Variants in SEMA3A observed in about 807,000 individuals in gnomAD.
SEMA3A encodes semaphorin-3A.
SEMA3A carries 29 observed loss-of-function variants against 97.9 expected under a neutral mutation model. The ratio of observed to expected loss-of-function variants is 0.30; its 90% CI spans 0.22 to 0.40. The LOEUF is 0.40. Ranked by LOEUF, SEMA3A falls within the 10% of genes least tolerant of loss-of-function variation. The pLI, the probability that SEMA3A is intolerant of heterozygous loss-of-function variation, is 1.00. For synonymous variants in SEMA3A, 321 were observed against 323.7 expected (o/e 0.99, Z 0.09); for missense variants, 763 against 951.3 (o/e 0.80, Z 2.60).
chr7:84,197,730 C>CTTTTT (rs139403623), upstream of SEMA3A, among the ~76,000 whole-genome samples: 1 of 69,344 alleles, frequency 1.4e-5, no homozygotes, highest in African/African-American at 5.8e-5. Context: ...AAAGATCACT[C>CTTTTT]TTTTTTTTTT....
chr7:84,110,614 G>C (rs1196092638), intron 3 of SEMA3A, 25 bp from the exon 4 acceptor site: 2 of 1,612,770 alleles, frequency 1.2e-6, no homozygotes, highest in East Asian at 2.2e-5. Context: ...GAAAACCAAA[G>C]AGTTTCAGCA....
chr7:84,374,805 T>C (rs1584273155), intron 1 of SEMA3A, among the ~76,000 whole-genome samples: 3 of 152,130 alleles, frequency 2.0e-5, no homozygotes, highest in African/African-American at 7.2e-5. Context: ...TAATTGTTTT[T>C]AAAGTATATG....
At chr7:84,183,645 A>C (rs1159648625) in intron 1 of SEMA3A, among the ~76,000 whole-genome samples, 1 of 152,134 alleles carries the variant, frequency 6.6e-6, no homozygotes, top group Non-Finnish European at 1.5e-5. Context: ...AATAATAAGT[A>C]ATAATAATGC....
chr7:84,334,080 T>A (rs1038701061), intron 2 of SEMA3A, among the ~76,000 whole-genome samples: 2 of 152,156 alleles, frequency 1.3e-5, no homozygotes, highest in Admixed American at 6.5e-5. Flanking sequence ...TAAAAGTTAA[T>A]CATCTAAAAT....
chr7:84,349,392 T>C (rs893314836), intron 2 of SEMA3A, among the ~76,000 whole-genome samples: 2 of 152,154 alleles, frequency 1.3e-5, no homozygotes, highest in Admixed American at 1.3e-4. Context: ...ATTGCTGAAA[T>C]GGGTATTGTC....
intron 3 of SEMA3A, among the ~76,000 whole-genome samples, chr7:84,203,526 A>ATATATTTTTTTTTTTT (rs372380784): frequency 2.7e-4 from 7 of 25,674 alleles, no homozygotes; most frequent in Non-Finnish European, 4.3e-4. Context: ...ATATATATAT[A>ATATATTTTTTTTTTTT]TTTTTTTTTT....
chr7:84,344,817 C>T (rs983570393), intron 2 of SEMA3A, among the ~76,000 whole-genome samples: 1 of 152,130 alleles, frequency 6.6e-6, no homozygotes, highest in African/African-American at 2.4e-5. Flanking sequence ...TTAGCACACT[C>T]AGCATTAAGT....
chr7:84,092,131 GCTC>G (rs996188061), intron 4 of SEMA3A, among the ~76,000 whole-genome samples: 2 of 152,006 alleles, frequency 1.3e-5, no homozygotes, highest in African/African-American at 4.8e-5. Context: ...TTTTTTAAAT[GCTC>G]CCTCTAAATC....
intron 1 of SEMA3A, among the ~76,000 whole-genome samples, chr7:84,384,581 C>T (rs1028910384): frequency 2.0e-5 from 3 of 152,058 alleles, no homozygotes; most frequent in Non-Finnish European, 2.9e-5. Flanking sequence ...CTGTGGATTC[C>T]CATGACATCC....
chr7:84,024,601 C>A (rs1392288329), intron 6 of SEMA3A, among the ~76,000 whole-genome samples: 1 of 152,060 alleles, frequency 6.6e-6, no homozygotes, highest in Non-Finnish European at 1.5e-5. Flanking sequence ...CAACTAGCCT[C>A]AGTTACTTGA....
chr7:84,032,892 A>G (rs13221547), intron 6 of SEMA3A, among the ~76,000 whole-genome samples: 60,203 of 151,650 alleles, frequency 0.4, 13,091 homozygotes, highest in Non-Finnish European at 0.5. Flanking sequence ...ACATAGCTAT[A>G]AAGTTTAAGG....
At chr7:84,381,757 C>T (rs1803266665) in intron 1 of SEMA3A, among the ~76,000 whole-genome samples, 2 of 152,156 alleles carry the variant, frequency 1.3e-5, no homozygotes, top group African/African-American at 4.8e-5. Context: ...CTAAGAACAA[C>T]ATTCCTAACA....
At chr7:84,255,938 C>T (rs1799711429) in intron 3 of SEMA3A, among the ~76,000 whole-genome samples, 2 of 148,078 alleles carry the variant, frequency 1.4e-5, no homozygotes, top group African/African-American at 2.6e-5. Context: ...TATTGAATAT[C>T]TAGAGATTTA....
chr7:84,039,158 T>C (rs1792043732), intron 6 of SEMA3A, among the ~76,000 whole-genome samples: 1 of 152,154 alleles, frequency 6.6e-6, no homozygotes, highest in African/African-American at 2.4e-5. Flanking sequence ...ATTTACTATA[T>C]TATCAGATAC....
At chr7:83,990,712 G>A (rs1025776875) in intron 12 of SEMA3A, among the ~76,000 whole-genome samples, 1 of 119,086 alleles carries the variant, frequency 8.4e-6, no homozygotes, top group African/African-American at 3.1e-5. Context: ...TGCTGTTTTG[G>A]TTACTGTAGC....
intron 1 of SEMA3A, chr7:84,489,322 A>G (rs990884335): frequency 1.3e-5 from 2 of 152,118 alleles, no homozygotes; most frequent in African/African-American, 4.8e-5. Flanking sequence ...GGGGCTTATT[A>G]CAATTCATGG....
chr7:84,210,664 G>A (rs1327136219), intron 3 of SEMA3A, among the ~76,000 whole-genome samples: 2 of 152,070 alleles, frequency 1.3e-5, no homozygotes, highest in African/African-American at 4.8e-5. Context: ...GTTGCAGTGT[G>A]GAGTGATGTA....
chr7:84,180,016 G>A (rs1213930484), intron 1 of SEMA3A, among the ~76,000 whole-genome samples: 5 of 140,426 alleles, frequency 3.6e-5, no homozygotes, highest in African/African-American at 1.4e-4. Context: ...GCGCGATCTC[G>A]GCTCACCACA....
intron 12 of SEMA3A, among the ~76,000 whole-genome samples, chr7:83,989,355 T>C (rs1478161268): frequency 6.6e-6 from 1 of 152,012 alleles, no homozygotes; most frequent in Non-Finnish European, 1.5e-5. Flanking sequence ...TTAGGGTACA[T>C]GTGCACCTTG....
Sources: allele counts gnomAD v4.1 joint callset (sites outside exome capture counted in the v4.1 genomes callset), GRCh38; gene constraint gnomAD v4.1.1; transcripts MANE v1.5; gene names NCBI Gene and HGNC (gene_info 2026-07-23, HGNC 2026-07-21).